CPNE3: variants seen among roughly 807,000 people sequenced by gnomAD.
CPNE3 encodes copine-3.
A neutral mutation model predicts 63.9 loss-of-function variants in CPNE3; 68 were observed. The ratio of observed to expected loss-of-function variants is 1.06; its 90% CI spans 0.87 to 1.30. CPNE3 has a LOEUF of 1.30. Ranked by LOEUF, CPNE3 falls within the 50% of genes most tolerant of loss-of-function variation. The probability of loss-of-function intolerance (pLI) is 0.00; values close to 1 mark genes in which losing one functional copy is unlikely to be tolerated. For missense variants in CPNE3, 665 were observed against 578.1 expected (o/e 1.15, Z -1.54); for synonymous variants, 219 against 197.5 (o/e 1.11, Z -0.91).
At chr8:86,525,174 A>G (rs1490393514) in intron 2 of CPNE3, among the ~76,000 whole-genome samples, 3 of 152,086 alleles carry the variant, frequency 2.0e-5, no homozygotes, top group East Asian at 1.9e-4. Flanking sequence ...TTGTTTTTGT[A>G]GAGATGAGGT....
chr8:86,523,873 C>T (rs559022747), intron 2 of CPNE3, among the ~76,000 whole-genome samples: 40 of 152,300 alleles, frequency 2.6e-4, no homozygotes, highest in African/African-American at 7.9e-4. Context: ...CAGGTGTGAG[C>T]CACCGTGCCC....
chr8:86,540,188 A>C, intron 7 of CPNE3, 57 bp from the exon 8 acceptor site: 1 of 1,061,192 alleles, frequency 9.4e-7, no homozygotes, highest in Admixed American at 1.7e-5. Context: ...GGGCAGGAGC[A>C]AAATGTTAAT....
intron 8 of CPNE3, among the ~76,000 whole-genome samples, chr8:86,543,570 AT>A (rs1820988624): frequency 6.6e-6 from 1 of 152,098 alleles, no homozygotes; most frequent in Non-Finnish European, 1.5e-5. Context: ...ACAAGTTTTT[AT>A]TTTAGATTAC....
intron 6 of CPNE3, among the ~76,000 whole-genome samples, chr8:86,533,688 A>T (rs1165267772): frequency 1.3e-5 from 2 of 152,076 alleles, no homozygotes; most frequent in African/African-American, 4.8e-5. Context: ...CCACAATTAT[A>T]ACTCATGGCC....
chr8:86,515,771 G>A (rs1318989347), intron 2 of CPNE3, among the ~76,000 whole-genome samples: 6 of 152,138 alleles, frequency 3.9e-5, no homozygotes, highest in Non-Finnish European at 5.9e-5. Flanking sequence ...CAAAGTGCTT[G>A]ACACGTAGTT....
intron 1 of CPNE3, chr8:86,514,833 C>T (rs1820237337): frequency 6.6e-6 from 1 of 152,312 alleles, no homozygotes; most frequent in South Asian, 2.1e-4. Flanking sequence ...AAGGCCCCGC[C>T]TGGGCCTGGC....
At chr8:86,521,035 A>G (rs1420132692) in intron 2 of CPNE3, among the ~76,000 whole-genome samples, 1 of 152,194 alleles carries the variant, frequency 6.6e-6, no homozygotes, top group Non-Finnish European at 1.5e-5. Context: ...AAAAAAATAC[A>G]TCTGGGCATC....
chr8:86,530,007 TC>T (rs1377180733), intron 4 of CPNE3, among the ~76,000 whole-genome samples: 1 of 151,916 alleles, frequency 6.6e-6, no homozygotes, highest in African/African-American at 2.4e-5. Flanking sequence ...GGGAAAAAAA[TC>T]CCAGTGTAGC....
At position 86,558,376 on chromosome 8, in the gene CPNE3, C is replaced by G; in HGVS notation, c.1580C>G (p.Pro527Arg). 1 of 872,954 alleles carries G rather than the reference C, an allele frequency of 1.1e-6. No homozygotes were observed. Among genetic ancestry groups the G allele is most frequent in the Non-Finnish European group, 2.0e-6 (1 of 501,668 alleles). The allele number at this position is 872,954 out of a possible 1,614,324, so 54.1% of individuals were successfully genotyped here. Reference protein sequence around the residue: ...GYFNTYKLLPPKNPATKQQKQ With the variant: ...GYFNTYKLLPRKNPATKQQKQ ...TTCAATACATACAAACTCCTTCCTC[C>G]CAAGAACCCAGCCACGAAACAACAG... The change falls in exon 17 of 17, where the codon CCC (proline) becomes CGC (arginine). Residue 527 changes from proline (P) to arginine (R), a missense_variant. Physicochemically the swap from Pro to Arg is moderately radical, Grantham distance 103. Coordinates refer to ENST00000517490, the MANE Select transcript of CPNE3 (RefSeq NM_003909.5).
At chr8:86,544,379 T>C (rs1434076025) in intron 8 of CPNE3, among the ~76,000 whole-genome samples, 1 of 152,180 alleles carries the variant, frequency 6.6e-6, no homozygotes, top group South Asian at 2.1e-4. Context: ...TGCATAGTAA[T>C]AAGGCAAAGA....
intron 1 of CPNE3, chr8:86,514,993 G>C (rs1820247631): frequency 6.6e-6 from 1 of 152,350 alleles, no homozygotes; most frequent in Admixed American, 6.5e-5. Context: ...CACCACGTCC[G>C]TGGTGAAGCC....
intron 7 of CPNE3, among the ~76,000 whole-genome samples, chr8:86,538,301 G>A (rs924565908): frequency 2.0e-5 from 3 of 152,154 alleles, no homozygotes; most frequent in Admixed American, 2.0e-4. Flanking sequence ...CTTGAACCCA[G>A]GAGGTGGAGG....
At chr8:86,533,986 A>G (rs908944696) in intron 6 of CPNE3, among the ~76,000 whole-genome samples, 1 of 152,114 alleles carries the variant, frequency 6.6e-6, no homozygotes, top group African/African-American at 2.4e-5. Context: ...CAAGTTGGGC[A>G]CAGGTGATGC....
Position 86,561,330 on chromosome 8 carries a change from A to G in CPNE3, c.*2920A>G, listed in dbSNP as rs1239932974. 1.3e-5 allele frequency: 2 copies of G among 152,240 alleles called. No individual in the cohort carries two copies. The highest frequency in any genetic ancestry group is 1.9e-4 in the East Asian group (1 of 5,196). The allele number at this position is 152,240 out of a possible 1,614,324, so 9.4% of individuals were successfully genotyped here. On this transcript the variant is annotated 3_prime_UTR_variant, in exon 17 of 17. Transcript: ENST00000517490. ...TTATGGATGTCATACTTGACAATAC[A>G]TGTGTAAGTTACTAATATATGAATT...
chr8:86,545,103 CA>C (rs1225409278), intron 9 of CPNE3: 1 of 231,396 alleles, frequency 4.3e-6, no homozygotes, highest in Non-Finnish European at 8.3e-6. Context: ...CAGTGTCAGT[CA>C]TTAGGAATAG....
In CPNE3 at chr8:86,546,618, G is replaced by GA. The variant is rs751554216; in HGVS notation, c.763dup (p.Arg255LysfsTer19). 25 of 1,612,524 alleles carry GA rather than the reference G, an allele frequency of 1.6e-5. No homozygotes were observed. Among genetic ancestry groups the GA allele is most frequent in the Non-Finnish European group, 1.9e-5 (22 of 1,179,508 alleles). The stretch of plus-strand genomic sequence containing the variant: ...AGGTTGAATTTGAATGCATAAATGA[G>GA]AAAAAAAGGCAAAAGAAAAAAAGCT... On this transcript the variant is annotated frameshift_variant, in exon 10 of 17. Transcript: ENST00000517490. LOFTEE classifies it high-confidence loss of function.
Position 86,547,765 on chromosome 8 carries a change from T to C in CPNE3, c.874T>C (p.Phe292Leu). Residue 292 changes from phenylalanine (F) to leucine (L), a missense_variant, in exon 11 of 17, where the codon TTT becomes CTT. Physicochemically the swap from Phe to Leu is conservative, Grantham distance 22. Transcript: ENST00000517490. ...DYIMGGCQLNFTVGVDFTGSN... is the reference protein window; with the variant it reads ...DYIMGGCQLNLTVGVDFTGSN... ...TATAATGGGAGGATGTCAGCTGAAT[T>C]TTACTGTAAGTAACACACTGAATTT... 1 of 1,321,102 alleles carries C rather than the reference T, an allele frequency of 7.6e-7. No homozygotes were observed. The highest frequency in any genetic ancestry group is 1.7e-5 in the Admixed American group (1 of 59,090). The allele number at this position is 1,321,102 out of a possible 1,614,324, so 81.8% of individuals were successfully genotyped here.
chr8:86,547,031 T>C (rs1821069110), intron 10 of CPNE3, among the ~76,000 whole-genome samples: 1 of 152,176 alleles, frequency 6.6e-6, no homozygotes, highest in Non-Finnish European at 1.5e-5. Context: ...ACTTATAATA[T>C]AATGAGATTA....
At chr8:86,524,655 C>T (rs890117485) in intron 2 of CPNE3, 1 of 145,304 alleles carries the variant, frequency 6.9e-6, no homozygotes, top group African/African-American at 2.5e-5. Context: ...GAGTATAAAA[C>T]GTTTGTTTTA....
Sources: allele counts gnomAD v4.1 joint callset (sites outside exome capture counted in the v4.1 genomes callset), GRCh38; gene constraint gnomAD v4.1.1; transcripts MANE v1.5; gene names NCBI Gene and HGNC (gene_info 2026-07-23, HGNC 2026-07-21).